Variants in EXOC4 observed in about 807,000 individuals in gnomAD.
The protein encoded by EXOC4 is SEC8-like 1.
In EXOC4, 71 loss-of-function variants were observed where a neutral mutation model predicts 107.2. That is an observed-to-expected ratio of 0.66 (90% confidence interval 0.55 to 0.81). The LOEUF is 0.81. Among genes scored for constraint, EXOC4 ranks in the 30% least tolerant of loss-of-function variants. The pLI is 0.00. For synonymous variants in EXOC4, 456 were observed against 441.2 expected (o/e 1.03, Z -0.42); for missense variants, 1,108 against 1,189.6 (o/e 0.93, Z 1.01).
chr7:134,027,085 A>T (rs1795155685), intron 17 of EXOC4, among the ~76,000 whole-genome samples: 2 of 152,218 alleles, frequency 1.3e-5, no homozygotes, highest in South Asian at 4.1e-4. Context: ...GGTGATTGCT[A>T]TCAAGGAAAA....
chr7:133,443,159 C>T (rs975501850), intron 7 of EXOC4, among the ~76,000 whole-genome samples: 5 of 152,114 alleles, frequency 3.3e-5, no homozygotes, highest in East Asian at 1.9e-4. Context: ...CATCTTCTTC[C>T]GTAGTCGCAT....
At chr7:133,337,333 A>T (rs1302451105) in intron 5 of EXOC4, among the ~76,000 whole-genome samples, 2 of 152,130 alleles carry the variant, frequency 1.3e-5, no homozygotes, top group African/African-American at 4.8e-5. Flanking sequence ...TTTATGGAGC[A>T]TTGGGACTAT....
chr7:133,623,176 T>C (rs1194834911), intron 9 of EXOC4, among the ~76,000 whole-genome samples: 6 of 152,170 alleles, frequency 3.9e-5, no homozygotes, highest in South Asian at 2.1e-4. Flanking sequence ...ACTTGGCACC[T>C]GTCTTAACCT....
chr7:133,536,120 A>G (rs536632025), intron 9 of EXOC4, among the ~76,000 whole-genome samples: 1 of 152,292 alleles, frequency 6.6e-6, no homozygotes, highest in South Asian at 2.1e-4. Context: ...TTATTGAGTT[A>G]CTCAAATACT....
intron 9 of EXOC4, among the ~76,000 whole-genome samples, chr7:133,598,844 C>T (rs1242474951): frequency 6.6e-6 from 1 of 152,034 alleles, no homozygotes; most frequent in African/African-American, 2.4e-5. Flanking sequence ...ATTAGCTGGG[C>T]GTGGTGGCAG....
At chr7:133,574,935 A>G (rs1282047310) in intron 9 of EXOC4, among the ~76,000 whole-genome samples, 2 of 152,256 alleles carry the variant, frequency 1.3e-5, no homozygotes, top group African/African-American at 4.8e-5. Flanking sequence ...TGTAATACAA[A>G]TGAAACTGTT....
chr7:133,665,392 A>G (rs1431912569), intron 10 of EXOC4, among the ~76,000 whole-genome samples: 1 of 152,142 alleles, frequency 6.6e-6, no homozygotes, highest in Non-Finnish European at 1.5e-5. Context: ...GCTTATGTGG[A>G]TATTAGACCA....
At chr7:133,871,496 C>G (rs1585212768) in intron 11 of EXOC4, among the ~76,000 whole-genome samples, 1 of 152,172 alleles carries the variant, frequency 6.6e-6, no homozygotes, top group African/African-American at 2.4e-5. Context: ...GGTGGTTACA[C>G]CAACCTTACA....
At chr7:133,379,354 C>A (rs1796562581) in intron 7 of EXOC4, among the ~76,000 whole-genome samples, 1 of 151,864 alleles carries the variant, frequency 6.6e-6, no homozygotes, top group African/African-American at 2.4e-5. Context: ...GATAGTGGCA[C>A]TTTTGAAAAA....
At chr7:133,633,697 AAC>A (rs893582475) in intron 10 of EXOC4, among the ~76,000 whole-genome samples, 27 of 6,840 alleles carry the variant, frequency 3.9e-3, no homozygotes, top group African/African-American at 4.5e-3. Flanking sequence ...AAGCCTGGGC[AAC>A]AAGAGCGAAA....
intron 14 of EXOC4, among the ~76,000 whole-genome samples, chr7:133,967,930 G>A (rs1337931190): frequency 5.3e-5 from 8 of 152,140 alleles, no homozygotes. Flanking sequence ...ATAGTGGGGT[G>A]TTAAAGTCTC....
chr7:133,453,746 A>G (rs1326001823), intron 7 of EXOC4, among the ~76,000 whole-genome samples: 2 of 152,136 alleles, frequency 1.3e-5, no homozygotes, highest in Non-Finnish European at 2.9e-5. Context: ...TTGGTTAATT[A>G]CTTCTGTTTT....
chr7:133,342,573 G>T (rs1412394695), intron 5 of EXOC4, among the ~76,000 whole-genome samples: 1 of 152,122 alleles, frequency 6.6e-6, no homozygotes, highest in Non-Finnish European at 1.5e-5. Context: ...TAGATCTCTA[G>T]CAAGGCCAGG....
intron 7 of EXOC4, among the ~76,000 whole-genome samples, chr7:133,392,581 G>C (rs532978124): frequency 6.6e-6 from 1 of 152,254 alleles, no homozygotes; most frequent in South Asian, 2.1e-4. Context: ...CCCAGGACTT[G>C]ACTTTGAAGA....
At chr7:133,999,613 A>G (rs1033056719) in intron 15 of EXOC4, among the ~76,000 whole-genome samples, 8 of 152,224 alleles carry the variant, frequency 5.3e-5, no homozygotes. Context: ...TATTTGCAAT[A>G]GATGGAAGGA....
downstream of EXOC4, among the ~76,000 whole-genome samples, chr7:134,069,479 TCTC>T (rs200210212): frequency 2.4e-3 from 366 of 150,902 alleles, no homozygotes; most frequent in East Asian, 0.027. Flanking sequence ...TCCATCCTCT[TCTC>T]CTCCTTCTTC....
chr7:133,382,219 G>A (rs1357898021), intron 7 of EXOC4, among the ~76,000 whole-genome samples: 1 of 152,182 alleles, frequency 6.6e-6, no homozygotes, highest in South Asian at 2.1e-4. Context: ...ACAGGCTTTG[G>A]TGTATGCTAA....
At chr7:133,342,614 G>A (rs548361557) in intron 5 of EXOC4, among the ~76,000 whole-genome samples, 1 of 151,940 alleles carries the variant, frequency 6.6e-6, no homozygotes, top group South Asian at 2.1e-4. Flanking sequence ...CCTCAAGTAA[G>A]TTTTCCAAAC....
At chr7:133,586,901 G>A (rs1004534039) in intron 9 of EXOC4, among the ~76,000 whole-genome samples, 4 of 152,104 alleles carry the variant, frequency 2.6e-5, no homozygotes, top group Non-Finnish European at 4.4e-5. Context: ...TGCGATCTCG[G>A]CTCACTGCAA....
Sources: gnomAD v4.1 joint callset for allele counts (sites outside exome capture counted in the v4.1 genomes callset) on GRCh38, gnomAD v4.1.1 for gene constraint, MANE v1.5 for transcripts, NCBI Gene and HGNC (gene_info 2026-07-23, HGNC 2026-07-21) for gene names.